KALRN: variants seen among roughly 807,000 people sequenced by gnomAD.
The protein encoded by KALRN is kalirin RhoGEF kinase.
In KALRN, 70 loss-of-function variants were observed where a neutral mutation model predicts 353.7. The ratio of observed to expected loss-of-function variants is 0.20; its 90% CI spans 0.16 to 0.24. The LOEUF (loss-of-function observed/expected upper bound fraction) is 0.24. Among genes scored for constraint, KALRN ranks in the 10% least tolerant of loss-of-function variants. The pLI, the probability that KALRN is intolerant of heterozygous loss-of-function variation, is 1.00. For missense variants in KALRN, 2,791 were observed against 3,756.7 expected, an observed-to-expected ratio of 0.74 and a Z score of 6.72; for synonymous variants, 1,391 against 1,434.8, an observed-to-expected ratio of 0.97 and a Z score of 0.69.
intron 3 of KALRN, among the ~76,000 whole-genome samples, chr3:124,236,590 A>G (rs966619207): frequency 3.9e-5 from 6 of 152,232 alleles, no homozygotes; most frequent in Non-Finnish European, 7.3e-5. Flanking sequence ...CTGCGTGTTC[A>G]TCACATAGCT....
At chr3:124,681,915 C>G (rs1358336505) in intron 51 of KALRN, among the ~76,000 whole-genome samples, 11 of 152,130 alleles carry the variant, frequency 7.2e-5, no homozygotes, top group African/African-American at 2.4e-4. Flanking sequence ...CAGGTGTGAG[C>G]CAATGCACCT....
intron 1 of KALRN, among the ~76,000 whole-genome samples, chr3:124,124,689 T>C (rs1363370180): frequency 6.6e-6 from 1 of 152,248 alleles, no homozygotes; most frequent in East Asian, 1.9e-4. Context: ...CAGCAACCAC[T>C]ATCCTGATTT....
chr3:124,384,808 C>T (rs1224039099), intron 10 of KALRN, 37 bp from the exon 11 acceptor site: 2 of 1,540,076 alleles, frequency 1.3e-6, no homozygotes, highest in Non-Finnish European at 1.8e-6. Context: ...GAAGGCGCGA[C>T]TGCAACTTGA....
intron 1 of KALRN, among the ~76,000 whole-genome samples, chr3:124,222,822 C>T (rs1004452387): frequency 1.4e-4 from 22 of 152,102 alleles, no homozygotes; most frequent in Admixed American, 2.6e-4. Context: ...CTATGCTGGT[C>T]TCAAACTCCT....
intron 1 of KALRN, among the ~76,000 whole-genome samples, chr3:124,127,716 T>C (rs1309296434): frequency 6.6e-6 from 1 of 152,224 alleles, no homozygotes; most frequent in African/African-American, 2.4e-5. Flanking sequence ...TCAGATCTAA[T>C]TGTTAGTAAA....
At chr3:124,098,440 A>G (rs926900819) in intron 1 of KALRN, among the ~76,000 whole-genome samples, 1 of 151,910 alleles carries the variant, frequency 6.6e-6, no homozygotes, top group African/African-American at 2.4e-5. Context: ...TGGGCCTCAC[A>G]CTTTGCCCTG....
chr3:124,476,011 G>T (rs1007057086), intron 26 of KALRN, among the ~76,000 whole-genome samples: 1 of 151,808 alleles, frequency 6.6e-6, no homozygotes, highest in African/African-American at 2.4e-5. Flanking sequence ...GAAATTTGTG[G>T]ATTTCCTTTA....
chr3:124,229,091 T>C (rs1475061736), intron 2 of KALRN, among the ~76,000 whole-genome samples: 2 of 151,954 alleles, frequency 1.3e-5, no homozygotes, highest in Non-Finnish European at 2.9e-5. Context: ...TTTGCCATGA[T>C]ATGTTTGTGG....
chr3:124,642,589 A>G (rs1240262712), intron 37 of KALRN, among the ~76,000 whole-genome samples: 1 of 152,110 alleles, frequency 6.6e-6, no homozygotes, highest in East Asian at 1.9e-4. Context: ...CTTGTGGGTC[A>G]TGGAAGAACA....
At chr3:124,148,444 G>A (rs909372472) in intron 1 of KALRN, among the ~76,000 whole-genome samples, 1 of 152,170 alleles carries the variant, frequency 6.6e-6, no homozygotes, top group Admixed American at 6.5e-5. Flanking sequence ...TAGGCAGCCA[G>A]GTATGAAACC....
At chr3:124,139,466 T>A (rs1050551533) in intron 1 of KALRN, among the ~76,000 whole-genome samples, 1 of 152,240 alleles carries the variant, frequency 6.6e-6, no homozygotes, top group Non-Finnish European at 1.5e-5. Flanking sequence ...GTACTAGCTA[T>A]GTACTAGGCC....
intron 5 of KALRN, among the ~76,000 whole-genome samples, chr3:124,278,974 C>G (rs1464398579): frequency 1.3e-5 from 2 of 152,206 alleles, no homozygotes; most frequent in Non-Finnish European, 2.9e-5. Flanking sequence ...CTCTTCTACT[C>G]CCTTTCCCAC....
intron 33 of KALRN, among the ~76,000 whole-genome samples, chr3:124,540,721 A>C (rs778007359): frequency 6.6e-6 from 1 of 152,160 alleles, no homozygotes; most frequent in Non-Finnish European, 1.5e-5. Context: ...GTATCTCTCT[A>C]TCATGGTGCT....
intron 11 of KALRN, among the ~76,000 whole-genome samples, chr3:124,387,364 T>G (rs1253963762): frequency 6.6e-6 from 1 of 152,176 alleles, no homozygotes; most frequent in African/African-American, 2.4e-5. Flanking sequence ...GAACTGAAAT[T>G]TATTTAGCAC....
chr3:124,066,257 A>T (rs1206075337), intron 1 of KALRN, among the ~76,000 whole-genome samples: 1 of 152,132 alleles, frequency 6.6e-6, no homozygotes, highest in African/African-American at 2.4e-5. Context: ...GTAGGGATGA[A>T]GAGGGGTGTG....
chr3:124,179,346 A>C (rs1397751578), intron 1 of KALRN, among the ~76,000 whole-genome samples: 7 of 152,190 alleles, frequency 4.6e-5, no homozygotes, highest in African/African-American at 1.7e-4. Flanking sequence ...ACACAGGGTC[A>C]GAATCATCAA....
intron 13 of KALRN, among the ~76,000 whole-genome samples, chr3:124,411,607 AATGTATT>A: frequency 6.6e-6 from 1 of 151,694 alleles, no homozygotes; most frequent in Non-Finnish European, 1.5e-5. Context: ...ATGCCTAGCT[AATGTATT>A]ATTATTTGCT....
In KALRN at chr3:124,634,888, G is replaced by C. The variant is rs552829062; in HGVS notation, c.5568+935G>C. 1.1e-4 allele frequency among the ~76,000 whole-genome samples: 16 copies of C among 152,238 alleles called. No individual in the cohort carries two copies. In the South Asian group the frequency reaches 3.3e-3, roughly 32 times the overall value. Reference sequence around the variant, plus strand: ...GCTCTCCTGTGCTCTCTAGTGCTCTGCCCTGTAGTGGGACAGCCTCCTGCG... The same window carrying C: ...GCTCTCCTGTGCTCTCTAGTGCTCTCCCCTGTAGTGGGACAGCCTCCTGCG... On this transcript the variant is annotated intron_variant, in intron 36 of 59. Coordinates refer to ENST00000682506, the MANE Select transcript of KALRN (RefSeq NM_001388419.1).
At chr3:124,480,108 A>G (rs1161310691) in intron 27 of KALRN, among the ~76,000 whole-genome samples, 1 of 152,156 alleles carries the variant, frequency 6.6e-6, no homozygotes, top group East Asian at 1.9e-4. Context: ...TCTCTGCTCC[A>G]CATGCAGCTT....
Sources: gnomAD v4.1 joint callset for allele counts (sites outside exome capture counted in the v4.1 genomes callset) on GRCh38, gnomAD v4.1.1 for gene constraint, MANE v1.5 for transcripts, NCBI Gene and HGNC (gene_info 2026-07-23, HGNC 2026-07-21) for gene names.